NFATC4: variants seen among roughly 807,000 people sequenced by gnomAD.
The protein encoded by NFATC4 is nuclear factor of activated T cells 4.
A neutral mutation model predicts 73.4 loss-of-function variants in NFATC4; 25 were observed. The ratio of observed to expected loss-of-function variants is 0.34; its 90% CI spans 0.25 to 0.48. The LOEUF (loss-of-function observed/expected upper bound fraction) is 0.48. Ranked by LOEUF, NFATC4 falls within the 20% of genes least tolerant of loss-of-function variation. The pLI, the probability that NFATC4 is intolerant of heterozygous loss-of-function variation, is 0.99. For synonymous variants in NFATC4, 523 were observed against 510.3 expected (o/e 1.02, Z -0.34); for missense variants, 1,130 against 1,203.7 (o/e 0.94, Z 0.91).
At position 24,377,823 on chromosome 14, in the gene NFATC4, C is replaced by T; in HGVS notation, c.*118C>T. 6.4e-7 allele frequency: 1 copy of T among 1,553,674 alleles called. No individual in the cohort carries two copies. The highest frequency in any genetic ancestry group is 8.7e-7 in the Non-Finnish European group (1 of 1,148,998). Reference sequence around the variant, plus strand: ...GGGCCAACCCTGGCTCCTCTTTCCCCAGCTTCTGTCTGTCTCACTGTCTTC... The same window carrying T: ...GGGCCAACCCTGGCTCCTCTTTCCCTAGCTTCTGTCTGTCTCACTGTCTTC... On this transcript the variant is annotated 3_prime_UTR_variant, in exon 10 of 10. Coordinates refer to ENST00000250373, the MANE Select transcript of NFATC4 (RefSeq NM_004554.5). The surrounding 1 kb of genome is among the most constrained non-coding windows in gnomAD (Gnocchi z 4.2).
At position 24,376,840 on chromosome 14, in the gene NFATC4, G is replaced by C. The variant is rs779626056; in HGVS notation, c.2603G>C (p.Arg868Pro). The C allele has an allele frequency of 1.3e-6, 2 of 1,596,438 alleles. No homozygotes were observed. Among genetic ancestry groups the C allele is most frequent in the African/African-American group, 2.7e-5 (2 of 74,136 alleles). ...AGGGGTGGCTACAGCAGCGGCTTCC[G>C]AGACAGTGTCCCTATCCAGGGTATC... ...KSRGGYSSGF[R>P]DSVPIQGITL... The change falls in exon 9 of 10, where the codon CGA becomes CCA. Residue 868 changes from arginine to proline, a missense_variant. Around this residue, in one of 3 missense-constraint regions of NFATC4, gnomAD observed 390 missense variants for 408.1 expected, o/e 0.96. Coordinates refer to ENST00000250373, the MANE Select transcript of NFATC4 (RefSeq NM_004554.5). This position sits in a 1 kb window ranked among gnomAD's most constrained non-coding sequence, Gnocchi z 5.0.
At chr14:24,369,200 T>TCCAGGCCCAGCC in intron 1 of NFATC4, 1 of 1,525,258 alleles carries the variant, frequency 6.6e-7, no homozygotes, top group Non-Finnish European at 8.8e-7. Context: ...GAAACACGCC[T>TCCAGGCCCAGCC]CCAGGCCCAG....
In NFATC4 at chr14:24,373,875, A is replaced by C. The variant is rs753349529; in HGVS notation, c.1732+8A>C. 1.9e-6 allele frequency: 3 copies of C among 1,613,912 alleles called. No homozygotes were observed. ...CGGTGCCCATCGAGTGCTGTGAGCA[A>C]AGAGGCCCTGGGCCATGTCTCTGTC... is the stretch of plus-strand genomic sequence containing the variant. On this transcript the variant is annotated splice_region_variant and intron_variant, in intron 5 of 9. Transcript: ENST00000250373. This position sits in a 1 kb window ranked among gnomAD's most constrained non-coding sequence, Gnocchi z 4.7.
At chr14:24,367,429 G>A, upstream of NFATC4, 3 of 1,535,694 alleles carry the variant, frequency 2.0e-6, no homozygotes, top group East Asian at 2.4e-5. Context: ...CGGCCCCTCT[G>A]GGTGGCTGGG....
At chr14:24,368,900 A>G (rs2042381171) in intron 1 of NFATC4, 2 of 217,700 alleles carry the variant, frequency 9.2e-6, no homozygotes, top group South Asian at 1.4e-4. Flanking sequence ...GATGGCGGGG[A>G]CCGAGCCGGG....
At position 24,370,257 on chromosome 14, in the gene NFATC4, C is replaced by T. The variant is rs755808600; in HGVS notation, c.859C>T (p.Arg287Cys). Residue 287 changes from arginine to cysteine, a missense_variant, in exon 2 of 10, where the codon CGT becomes TGT. Coordinates refer to ENST00000250373, the MANE Select transcript of NFATC4 (RefSeq NM_004554.5). ...TTCAGCCTCCCCAGCTCTGTCCCGC[C>T]GTGGCAGCCTGGGGGAAGAGGGGTC... is the stretch of plus-strand genomic sequence containing the variant. Reference protein sequence around the residue: ...PSSASPALSRRGSLGEEGSEP... With the variant: ...PSSASPALSRCGSLGEEGSEP... The T allele has an allele frequency of 5.0e-6, 8 of 1,612,612 alleles. No homozygotes were observed. The East Asian group carries it at 1.1e-4, about 22-fold the overall frequency.
upstream of NFATC4, chr14:24,368,080 C>T (rs2042354603): frequency 2.6e-6 from 3 of 1,164,398 alleles, no homozygotes; most frequent in Non-Finnish European, 2.1e-6. Context: ...TTTCCCATCT[C>T]ATCCCTGGAG....
At position 24,376,448 on chromosome 14, in the gene NFATC4, A is replaced by T. The variant is rs1452247698; in HGVS notation, c.2211A>T (p.Leu737=). ...ACCCTGCTTGCGAAACTCCTTACCT[A>T]TCAGAAGGCTTCGGCTATGGCATGC... The part of the protein sequence containing the change: ...HEDPACETPY[L]SEGFGYGMPP... Residue 737 remains leucine (L), a synonymous_variant, in exon 9 of 10, where the codon CTA becomes CTT. Transcript: ENST00000250373. This position sits in a 1 kb window ranked among gnomAD's most constrained non-coding sequence, Gnocchi z 5.0. 1 of 1,613,132 alleles carries T rather than the reference A, an allele frequency of 6.2e-7. No homozygotes were observed. The highest frequency in any genetic ancestry group is 2.2e-5 in the East Asian group (1 of 44,848).
In NFATC4 at chr14:24,370,544, C is replaced by T; in HGVS notation, c.1146C>T (p.Ser382=). 1 of 1,613,772 alleles carries T rather than the reference C, an allele frequency of 6.2e-7. No individual in the cohort carries two copies. Among genetic ancestry groups the T allele is most frequent in the East Asian group, 2.2e-5 (1 of 44,864 alleles). ...VAGMDYLAVP[S]PLAWSKARIG... ...GCATGGACTACCTGGCAGTGCCCTC[C>T]CCACTCGCTTGGTCCAAGGCCCGGA... Residue 382 remains serine, a synonymous_variant, in exon 2 of 10, where the codon TCC becomes TCT. Coordinates refer to ENST00000250373, the MANE Select transcript of NFATC4 (RefSeq NM_004554.5).
chr14:24,373,264 C>T lies in NFATC4; in HGVS notation c.1453C>T (p.His485Tyr). The change falls in exon 4 of 10, where the codon CAC (histidine) becomes TAC (tyrosine). Residue 485 changes from histidine (H) to tyrosine (Y), a missense_variant. Physicochemically the swap from His to Tyr is moderately conservative, Grantham distance 83. Transcript: ENST00000250373. The surrounding 1 kb of genome is among the most constrained non-coding windows in gnomAD (Gnocchi z 4.7). Reference sequence around the variant, plus strand: ...GCGGCCTCATGCCTTCTATCAGGTGCACCGTATCACAGGCAAGATGGTGGC... The same window carrying T: ...GCGGCCTCATGCCTTCTATCAGGTGTACCGTATCACAGGCAAGATGGTGGC... ...NLRPHAFYQV[H>Y]RITGKMVATA... is the part of the protein sequence containing the mutation. The T allele has an allele frequency of 1.2e-6, 2 of 1,614,208 alleles. No homozygotes were observed. The highest frequency in any genetic ancestry group is 1.7e-6 in the Non-Finnish European group (2 of 1,180,052).
rs2042535324 is a variant in NFATC4 at position 24,373,737 on chromosome 14, T to C, written c.1602T>C (p.Ile534=). The change falls in exon 5 of 10, where the codon ATT becomes ATC. Residue 534 remains isoleucine (I), a synonymous_variant. Coordinates refer to ENST00000250373, the MANE Select transcript of NFATC4 (RefSeq NM_004554.5). This position sits in a 1 kb window ranked among gnomAD's most constrained non-coding sequence, Gnocchi z 4.7. ...AGILKLRNSD[I]ELRKGETDIG... ...TCCTGAAGCTTCGGAATTCAGACAT[T>C]GAGCTTCGGAAGGGTGAGACGGACA... 1 of 1,613,164 alleles carries C rather than the reference T, an allele frequency of 6.2e-7. No homozygotes were observed. Among genetic ancestry groups the C allele is most frequent in the African/African-American group, 1.3e-5 (1 of 75,040 alleles).
chr14:24,373,074 C>T lies in NFATC4; in HGVS notation c.1360-97C>T. On this transcript the variant is annotated intron_variant, in intron 3 of 9. Transcript: ENST00000250373. The surrounding 1 kb of genome is among the most constrained non-coding windows in gnomAD (Gnocchi z 4.7). ...CCCTTGCAGGATATCCTTTATCTTTCACCATTCCCATCCCATGGTAGACTG... is the reference window on the plus strand; with the variant it reads ...CCCTTGCAGGATATCCTTTATCTTTTACCATTCCCATCCCATGGTAGACTG... The T allele has an allele frequency of 4.0e-6, 5 of 1,241,882 alleles. No individual in the cohort carries two copies. The highest frequency in any genetic ancestry group is 5.7e-6 in the Non-Finnish European group (5 of 881,366). The allele number at this position is 1,241,882 out of a possible 1,614,324, so 76.9% of individuals were successfully genotyped here. A position where few individuals can be genotyped will look rare whatever the true frequency, so the allele number is the denominator to read the frequency against.
chr14:24,367,102 C>G, upstream of NFATC4: 1 of 1,613,998 alleles, frequency 6.2e-7, no homozygotes, highest in Non-Finnish European at 8.5e-7. Flanking sequence ...TCGCCAGTAT[C>G]TCCCACCGAG....
At position 24,377,839 on chromosome 14, in the gene NFATC4, C is replaced by A; in HGVS notation, c.*134C>A. On this transcript the variant is annotated 3_prime_UTR_variant, in exon 10 of 10. Coordinates refer to ENST00000250373, the MANE Select transcript of NFATC4 (RefSeq NM_004554.5). This position sits in a 1 kb window ranked among gnomAD's most constrained non-coding sequence, Gnocchi z 4.2. ...CTCTTTCCCCAGCTTCTGTCTGTCTCACTGTCTTCCCTCCCCTCCCCCAGC... is the reference window on the plus strand; with the variant it reads ...CTCTTTCCCCAGCTTCTGTCTGTCTAACTGTCTTCCCTCCCCTCCCCCAGC... The A allele has an allele frequency of 6.6e-7, 1 of 1,504,062 alleles. No homozygotes were observed. Among genetic ancestry groups the A allele is most frequent in the South Asian group, 1.3e-5 (1 of 78,552 alleles). 93.2% of individuals were successfully genotyped at this position (1,504,062 alleles called of 1,614,324 possible).
In NFATC4 at chr14:24,377,934, G is replaced by C; in HGVS notation, c.*229G>C. 1.2e-6 allele frequency: 1 copy of C among 853,724 alleles called. No homozygotes were observed. The allele number at this position is 853,724 out of a possible 1,614,324, so 52.9% of individuals were successfully genotyped here. A position where few individuals can be genotyped will look rare whatever the true frequency, so the allele number is the denominator to read the frequency against. On this transcript the variant is annotated 3_prime_UTR_variant, in exon 10 of 10. Transcript: ENST00000250373. This position sits in a 1 kb window ranked among gnomAD's most constrained non-coding sequence, Gnocchi z 4.2. ...GAAGGAGTGTGTGGAGGAGGGAGGA[G>C]GGTGAAGACTGAGGCTAGGTGCCAG...
chr14:24,374,049 G>A (rs2042546201), intron 5 of NFATC4, 182 bp downstream of exon 5: 2 of 995,794 alleles, frequency 2.0e-6, no homozygotes, highest in African/African-American at 1.6e-5. Flanking sequence ...CTCTGGGGTG[G>A]CCCAGAGTGA....
rs2042646039 is a variant in NFATC4, at chr14:24,377,137, C to T, written c.2641+259C>T. 1 of 1,293,426 alleles carries T rather than the reference C, an allele frequency of 7.7e-7. No homozygotes were observed. The highest frequency in any genetic ancestry group is 1.5e-5 in the African/African-American group (1 of 65,962). The allele number at this position is 1,293,426 out of a possible 1,614,324, so 80.1% of individuals were successfully genotyped here. On this transcript the variant is annotated intron_variant, in intron 9 of 9. Transcript: ENST00000250373. The surrounding 1 kb of genome is among the most constrained non-coding windows in gnomAD (Gnocchi z 4.2). ...TCCTCTGCTCCAAATCATAAAATCT[C>T]AGAGCTAGAAGCACTTTCAAGATCA...
In NFATC4 at chr14:24,370,028, C is replaced by T; in HGVS notation, c.630C>T (p.Gly210=). Residue 210 remains glycine, a synonymous_variant, in exon 2 of 10, where the codon GGC becomes GGT. Coordinates refer to ENST00000250373, the MANE Select transcript of NFATC4 (RefSeq NM_004554.5). ...SELNEAASRF[G]LGSPLPSPRA... is the part of the protein sequence containing the mutation. ...TAAATGAGGCGGCCTCCCGCTTTGG[C>T]CTGGGCTCCCCGCTGCCCTCGCCCC... 6.2e-7 allele frequency: 1 copy of T among 1,611,358 alleles called. No homozygotes were observed. The highest frequency in any genetic ancestry group is 1.3e-5 in the African/African-American group (1 of 75,042).
chr14:24,373,016 C>T lies in NFATC4; in HGVS notation c.1360-155C>T, dbSNP rs921938348. 9.1e-5 allele frequency: 69 copies of T among 759,692 alleles called. No homozygotes were observed. The highest frequency in any genetic ancestry group is 4.3e-4 in the East Asian group (16 of 37,034). 47.1% of individuals were successfully genotyped at this position (759,692 alleles called of 1,614,324 possible). A position where few individuals can be genotyped will look rare whatever the true frequency, so the allele number is the denominator to read the frequency against. ...CACTGTGAACTCCAGGCCATGTTTT[C>T]TCCACAACGGGTGCCCAGTTCCCCA... On this transcript the variant is annotated intron_variant, in intron 3 of 9. Coordinates refer to ENST00000250373, the MANE Select transcript of NFATC4 (RefSeq NM_004554.5). This position sits in a 1 kb window ranked among gnomAD's most constrained non-coding sequence, Gnocchi z 4.7.
Sources: allele counts gnomAD v4.1 joint callset, GRCh38; gene constraint gnomAD v4.1.1; regional missense constraint gnomAD v4.1.1; non-coding constraint Gnocchi (gnomAD v3.1); transcripts MANE v1.5; gene names NCBI Gene and HGNC (gene_info 2026-07-23, HGNC 2026-07-21).